Variants in CNKSR3 observed in about 807,000 individuals in gnomAD.
The protein encoded by CNKSR3 is connector enhancer of kinase suppressor of ras 3.
CNKSR3 carries 36 observed loss-of-function variants against 67.7 expected under a neutral mutation model. The observed-to-expected ratio is 0.53, with a 90% CI of 0.41 to 0.70. The LOEUF (loss-of-function observed/expected upper bound fraction) is 0.70. CNKSR3 is among the 30% of genes least tolerant of loss of function. CNKSR3 has a pLI of 0.00. For missense variants in CNKSR3, 630 were observed against 695.2 expected (o/e 0.91, Z 1.05); for synonymous variants, 281 against 271.4 (o/e 1.04, Z -0.35).
At chr6:154,490,761 T>C (rs1400191303) in intron 1 of CNKSR3, among the ~76,000 whole-genome samples, 1 of 152,202 alleles carries the variant, frequency 6.6e-6, no homozygotes, top group Non-Finnish European at 1.5e-5. Flanking sequence ...ATGCTGTCTC[T>C]TGCCTCCCAG....
chr6:154,474,016 C>T (rs1310566631), intron 1 of CNKSR3, among the ~76,000 whole-genome samples: 8 of 151,262 alleles, frequency 5.3e-5, no homozygotes, highest in African/African-American at 1.7e-4. Flanking sequence ...ATCTCCTGAC[C>T]TTGTGATCCG....
chr6:154,450,892 G>C (rs1785812146), intron 1 of CNKSR3, among the ~76,000 whole-genome samples: 1 of 152,206 alleles, frequency 6.6e-6, no homozygotes, highest in Non-Finnish European at 1.5e-5. Flanking sequence ...AAATCCATTT[G>C]AGAAAGAGAG....
intron 12 of CNKSR3, among the ~76,000 whole-genome samples, chr6:154,407,878 A>AAAG (rs1299684272): frequency 2.0e-5 from 3 of 150,578 alleles, no homozygotes; most frequent in Non-Finnish European, 4.4e-5. Context: ...ATTTGAAAAA[A>AAAG]AAAAAAAAAA....
rs1459155825 is a variant in CNKSR3, at chr6:154,405,793, G to A, written c.*561C>T. On this transcript the variant is annotated 3_prime_UTR_variant, in exon 13 of 13. Transcript: ENST00000607772. ...GTCATGAAAAAGGTATCAAACAAGT[G>A]TAACAGGCCTACACTTAAACCTCTG... 1 of 155,322 alleles carries A rather than the reference G, an allele frequency of 6.4e-6. No homozygotes were observed. The highest frequency in any genetic ancestry group is 6.3e-5 in the Admixed American group (1 of 15,964). 9.6% of individuals were successfully genotyped at this position (155,322 alleles called of 1,614,324 possible).
chr6:154,479,843 G>A (rs184578462), intron 1 of CNKSR3, among the ~76,000 whole-genome samples: 173 of 152,278 alleles, frequency 1.1e-3, no homozygotes, highest in Non-Finnish European at 2.1e-3. Flanking sequence ...CCAGAGTCAC[G>A]TGAGATTTTA....
In CNKSR3 at chr6:154,388,391, ATT is replaced by A. The variant is rs1784572063; in HGVS notation, c.*17961_*17962del. Reference sequence around the variant, plus strand: ...AGTATTCCATTGTATGTGTATATACATTTTCTTTATTCATTTCTCCGCCGATG... The same window carrying A: ...AGTATTCCATTGTATGTGTATATACATTCTTTATTCATTTCTCCGCCGATG... On this transcript the variant is annotated 3_prime_UTR_variant, in exon 13 of 13. Coordinates refer to ENST00000607772, the MANE Select transcript of CNKSR3 (RefSeq NM_173515.4). 1 of 151,982 alleles carries A rather than the reference ATT, an allele frequency of 6.6e-6. No individual in the cohort carries two copies. Among genetic ancestry groups the A allele is most frequent in the Non-Finnish European group, 1.5e-5 (1 of 67,992 alleles). The allele number at this position is 151,982 out of a possible 1,614,324, so 9.4% of individuals were successfully genotyped here.
At chr6:154,495,899 C>T (rs932367411) in intron 1 of CNKSR3, among the ~76,000 whole-genome samples, 1 of 152,028 alleles carries the variant, frequency 6.6e-6, no homozygotes, top group Non-Finnish European at 1.5e-5. Context: ...CAACAGCCAC[C>T]TCCTCAACCC....
chr6:154,388,380 T>C lies in CNKSR3; in HGVS notation c.*17974A>G, dbSNP rs886516730. 4 of 152,274 alleles carry C rather than the reference T, an allele frequency of 2.6e-5. No homozygotes were observed. Among genetic ancestry groups the C allele is most frequent in the African/African-American group, 7.2e-5 (3 of 41,480 alleles). 9.4% of individuals were successfully genotyped at this position (152,274 alleles called of 1,614,324 possible). On this transcript the variant is annotated 3_prime_UTR_variant, in exon 13 of 13. Transcript: ENST00000607772. ...AAAAGCTAAATAGTATTCCATTGTA[T>C]GTGTATATACATTTTCTTTATTCAT...
intron 1 of CNKSR3, among the ~76,000 whole-genome samples, chr6:154,489,228 G>T (rs947046332): frequency 6.6e-6 from 1 of 152,008 alleles, no homozygotes; most frequent in Non-Finnish European, 1.5e-5. Context: ...TCAAGATTTC[G>T]GTGTAAAGTC....
At chr6:154,473,826 C>T (rs1289858882) in intron 1 of CNKSR3, among the ~76,000 whole-genome samples, 1 of 151,880 alleles carries the variant, frequency 6.6e-6, no homozygotes, top group Non-Finnish European at 1.5e-5. Context: ...TGGTCTGTCA[C>T]CAGGCTGGAG....
chr6:154,470,183 CTTTCCTTTTTTTTTTTT>C (rs1786294368), intron 1 of CNKSR3, among the ~76,000 whole-genome samples: 2 of 108,300 alleles, frequency 1.8e-5, no homozygotes, highest in African/African-American at 3.5e-5. Context: ...AACCTACTTT[CTTTCCTTTTTTTTTTTT>C]TTTTTTTTTT....
intron 9 of CNKSR3, among the ~76,000 whole-genome samples, chr6:154,416,551 A>G (rs1785028168): frequency 6.6e-6 from 1 of 152,204 alleles, no homozygotes; most frequent in Admixed American, 6.5e-5. Flanking sequence ...ACACATATTG[A>G]TAATTACTTC....
intron 1 of CNKSR3, among the ~76,000 whole-genome samples, chr6:154,485,501 AT>A (rs2114643222): frequency 6.6e-6 from 1 of 152,352 alleles, no homozygotes; most frequent in South Asian, 2.1e-4. Flanking sequence ...TCCTTCATCT[AT>A]AAAAGGCAAA....
At chr6:154,428,076 C>A in intron 7 of CNKSR3, 52 bp downstream of exon 7, 1 of 1,190,512 alleles carries the variant, frequency 8.4e-7, no homozygotes, top group South Asian at 1.2e-5. Context: ...GACTGTGGAT[C>A]AAATCTGTTT....
chr6:154,502,859 C>T (rs1384182753), intron 1 of CNKSR3, among the ~76,000 whole-genome samples: 3 of 152,108 alleles, frequency 2.0e-5, no homozygotes, highest in African/African-American at 7.2e-5. Context: ...AAGGCAAGAA[C>T]GCTCAGGTCC....
chr6:154,486,136 C>T (rs62432720), intron 1 of CNKSR3, among the ~76,000 whole-genome samples: 44,980 of 151,982 alleles, frequency 0.3, 7,327 homozygotes, highest in Admixed American at 0.41. Context: ...TCCCCTCGGC[C>T]GTGTAATGCC....
intron 8 of CNKSR3, 58 bp downstream of exon 8, chr6:154,422,857 T>G: frequency 7.2e-7 from 1 of 1,394,584 alleles, no homozygotes; most frequent in African/African-American, 1.5e-5. Flanking sequence ...AACAAAATGG[T>G]TTTAGATTTA....
chr6:154,506,645 A>G (rs1258927834), intron 1 of CNKSR3, among the ~76,000 whole-genome samples: 1 of 152,220 alleles, frequency 6.6e-6, no homozygotes, highest in Non-Finnish European at 1.5e-5. Flanking sequence ...TGTGCTACGA[A>G]TGGCTGAACA....
rs1261034272 is a variant in CNKSR3 at position 154,397,930 on chromosome 6, C to G, written c.*8424G>C. 6.6e-6 allele frequency: 1 copy of G among 152,338 alleles called. No homozygotes were observed. Among genetic ancestry groups the G allele is most frequent in the East Asian group, 1.9e-4 (1 of 5,200 alleles). 9.4% of individuals were successfully genotyped at this position (152,338 alleles called of 1,614,324 possible). ...GTACAGCCTGCAACTGTGGCGCAGG[C>G]GCAGAACAGGATTGAATTTCGCTAA... On this transcript the variant is annotated 3_prime_UTR_variant, in exon 13 of 13. Transcript: ENST00000607772.
Sources: allele counts gnomAD v4.1 joint callset (sites outside exome capture counted in the v4.1 genomes callset), GRCh38; gene constraint gnomAD v4.1.1; transcripts MANE v1.5; gene names NCBI Gene and HGNC (gene_info 2026-07-23, HGNC 2026-07-21).